The following MAX variants were observed in gnomAD, a reference collection of about 807,000 sequenced individuals.
The protein encoded by MAX is protein max.
MAX carries 3 observed loss-of-function variants against 22.3 expected under a neutral mutation model. The ratio of observed to expected loss-of-function variants is 0.13; its 90% CI spans 0.06 to 0.35. The LOEUF is 0.35. MAX is among the 10% of genes least tolerant of loss of function. The pLI is 1.00. For missense variants in MAX, 119 were observed against 209.4 expected, an observed-to-expected ratio of 0.57 and a Z score of 2.66; for synonymous variants, 72 against 77.7, an observed-to-expected ratio of 0.93 and a Z score of 0.39.
At chr14:65,099,186 T>C (rs956668789) in intron 2 of MAX, among the ~76,000 whole-genome samples, 3 of 152,186 alleles carry the variant, frequency 2.0e-5, no homozygotes, top group South Asian at 2.1e-4. Flanking sequence ...ACAGTCACAA[T>C]AGTTGTTTGA....
chr14:65,083,919 T>C (rs2063258574), intron 3 of MAX: 7 of 1,306,542 alleles, frequency 5.4e-6, no homozygotes, highest in Non-Finnish European at 6.9e-6. Flanking sequence ...AACGAAAGAA[T>C]ATGCACAATA....
At chr14:65,024,505 A>G (rs2061945388) in intron 3 of MAX, among the ~76,000 whole-genome samples, 3 of 152,174 alleles carry the variant, frequency 2.0e-5, no homozygotes, top group Admixed American at 2.0e-4. Context: ...ACAGATTCTG[A>G]TGCACACATT....
At chr14:65,025,370 G>T (rs914655551) in intron 3 of MAX, among the ~76,000 whole-genome samples, 8 of 152,158 alleles carry the variant, frequency 5.3e-5, no homozygotes, top group Admixed American at 1.3e-4. Flanking sequence ...ACTTTTTGTG[G>T]TACAGAAACC....
In MAX at chr14:65,054,683, C is replaced by T. The variant is rs752234365; in HGVS notation, c.171+39025G>A. 1.2e-5 allele frequency: 19 copies of T among 1,608,996 alleles called. No individual in the cohort carries two copies. The highest frequency in any genetic ancestry group is 4.4e-5 in the South Asian group (4 of 89,940). On this transcript the variant is annotated intron_variant, in intron 3 of 3. Coordinates refer to the MAX transcript ENST00000341653. The surrounding 1 kb of genome is among the most constrained non-coding windows in gnomAD (Gnocchi z 4.4). ...ATGTGGTCCTGGGTGTGCCCGAAAACGCTCTGGTAAGACGGGTGCAGGGCT... is the reference window on the plus strand; with the variant it reads ...ATGTGGTCCTGGGTGTGCCCGAAAATGCTCTGGTAAGACGGGTGCAGGGCT...
At position 65,044,430 on chromosome 14, in the gene MAX, A is replaced by G. The variant is rs748827539; in HGVS notation, c.172-38146T>C. 3.7e-6 allele frequency: 6 copies of G among 1,610,422 alleles called. No homozygotes were observed. In the East Asian group the frequency reaches 9.0e-5, roughly 24 times the overall value. On this transcript the variant is annotated intron_variant, in intron 3 of 3. Transcript: ENST00000341653. The surrounding 1 kb of genome is among the most constrained non-coding windows in gnomAD (Gnocchi z 5.5). ...GGCTCCTGCCCCTGCTCCACCGCGC[A>G]CTGCACGCCCAAGGTGAGCCTGGGG...
chr14:65,101,940 G>C (rs1227977758), intron 1 of MAX, among the ~76,000 whole-genome samples: 1 of 152,138 alleles, frequency 6.6e-6, no homozygotes, highest in East Asian at 1.9e-4. Context: ...CGAAGGGGCA[G>C]GTCCTGAACG....
chr14:65,068,818 TCA>T (rs1416018170), intron 3 of MAX, among the ~76,000 whole-genome samples: 1 of 152,218 alleles, frequency 6.6e-6, no homozygotes. Flanking sequence ...CAACCCTTGA[TCA>T]CACAGTCTTT....
At chr14:65,019,744 T>C (rs1323805053) in intron 3 of MAX, among the ~76,000 whole-genome samples, 2 of 152,206 alleles carry the variant, frequency 1.3e-5, no homozygotes, top group African/African-American at 4.8e-5. Flanking sequence ...TGTATTTTGC[T>C]TTGTGCCTAG....
intron 3 of MAX, among the ~76,000 whole-genome samples, chr14:65,037,605 T>G (rs2062231929): frequency 6.7e-6 from 1 of 149,346 alleles, no homozygotes; most frequent in African/African-American, 2.4e-5. Context: ...TTTAAATTTT[T>G]GTAGAGACAA....
At chr14:65,063,184 A>G (rs1176796893) in intron 3 of MAX, among the ~76,000 whole-genome samples, 1 of 152,228 alleles carries the variant, frequency 6.6e-6, no homozygotes, top group East Asian at 1.9e-4. Context: ...AAATAAGCCA[A>G]ATGCACATCC....
chr14:65,048,951 C>T (rs1362682971), intron 3 of MAX, among the ~76,000 whole-genome samples: 1 of 152,024 alleles, frequency 6.6e-6, no homozygotes, highest in Admixed American at 6.6e-5. Context: ...ATGGTGAAAC[C>T]CCATCTCTAC....
intron 2 of MAX, among the ~76,000 whole-genome samples, chr14:65,099,531 C>CA (rs113130979): frequency 0.43 from 61,364 of 141,990 alleles, 14,490 homozygotes; most frequent in African/African-American, 0.67. Flanking sequence ...AAAATTTCAC[C>CA]AAAAAAACAA....
In MAX at chr14:65,032,338, C is replaced by A; in HGVS notation, c.172-26054G>T. 3.2e-6 allele frequency: 1 copy of A among 307,866 alleles called. No individual in the cohort carries two copies. Among genetic ancestry groups the A allele is most frequent in the South Asian group, 8.0e-5 (1 of 12,506 alleles). 19.1% of individuals were successfully genotyped at this position (307,866 alleles called of 1,614,324 possible). A position where few individuals can be genotyped will look rare whatever the true frequency, so the allele number is the denominator to read the frequency against. On this transcript the variant is annotated intron_variant, in intron 3 of 3. Coordinates refer to the MAX transcript ENST00000341653. The surrounding 1 kb of genome is among the most constrained non-coding windows in gnomAD (Gnocchi z 5.0). ...CCACTTTTGACATGAATTGATATGG[C>A]TGTTATTTCCTCTGATGTAGATTGG...
intron 3 of MAX, among the ~76,000 whole-genome samples, chr14:65,058,606 C>T (rs2062794771): frequency 6.6e-6 from 1 of 152,194 alleles, no homozygotes; most frequent in Non-Finnish European, 1.5e-5. Flanking sequence ...GTGATAGTTA[C>T]ATTATATCAA....
chr14:65,059,994 C>T (rs926893506), intron 3 of MAX, among the ~76,000 whole-genome samples: 4 of 151,608 alleles, frequency 2.6e-5, no homozygotes, highest in African/African-American at 9.7e-5. Flanking sequence ...CCATCATGCT[C>T]GGCTAATTTT....
At chr14:65,048,301 T>C (rs771477011) in intron 3 of MAX, among the ~76,000 whole-genome samples, 1 of 151,206 alleles carries the variant, frequency 6.6e-6, no homozygotes, top group Non-Finnish European at 1.5e-5. Flanking sequence ...AGATTTTCTA[T>C]CCTTCTGTAT....
At chr14:65,026,796 A>G (rs1476951119) in intron 3 of MAX, among the ~76,000 whole-genome samples, 1 of 152,010 alleles carries the variant, frequency 6.6e-6, no homozygotes, top group Non-Finnish European at 1.5e-5. Flanking sequence ...TGGGAGACGG[A>G]TGCTGCAATG....
At chr14:65,018,143 A>AACT (rs2139535579) in intron 3 of MAX, among the ~76,000 whole-genome samples, 1 of 152,054 alleles carries the variant, frequency 6.6e-6, no homozygotes, top group Non-Finnish European at 1.5e-5. Context: ...GGAATTCAAG[A>AACT]CCAGTCTGGG....
At position 65,088,578 on chromosome 14, in the gene MAX, C is replaced by T. The variant is rs1004459971; in HGVS notation, c.171+5130G>A. On this transcript the variant is annotated intron_variant, in intron 3 of 4. Transcript: ENST00000358664. This position sits in a 1 kb window ranked among gnomAD's most constrained non-coding sequence, Gnocchi z 5.2. ...CAGATATGCTATAGACATAGGTTAC[C>T]GAATGAACTGTCAGCCTTAAACGCA... 2.6e-5 allele frequency among the ~76,000 whole-genome samples: 4 copies of T among 152,166 alleles called. No homozygotes were observed. Among genetic ancestry groups the T allele is most frequent in the African/African-American group, 7.2e-5 (3 of 41,432 alleles).
Sources: allele counts gnomAD v4.1 joint callset (sites outside exome capture counted in the v4.1 genomes callset), GRCh38; gene constraint gnomAD v4.1.1; non-coding constraint Gnocchi (gnomAD v3.1); transcripts MANE v1.5; gene names NCBI Gene and HGNC (gene_info 2026-07-23, HGNC 2026-07-21).